Variants in CREB5 observed in about 807,000 individuals in gnomAD.
The protein encoded by CREB5 is cyclic AMP-responsive element-binding protein 5.
In CREB5, 19 loss-of-function variants were observed where a neutral mutation model predicts 57.1. The observed-to-expected ratio is 0.33, with a 90% CI of 0.23 to 0.49. CREB5 has a LOEUF of 0.49. Ranked by LOEUF, CREB5 falls within the 20% of genes least tolerant of loss-of-function variation. The pLI, the probability that CREB5 is intolerant of heterozygous loss-of-function variation, is 0.99. For synonymous variants in CREB5, 238 were observed against 238.3 expected (o/e 1.00, Z 0.01); for missense variants, 579 against 671.6 (o/e 0.86, Z 1.52).
At chr7:28,407,332 T>C (rs952086864) in intron 1 of CREB5, among the ~76,000 whole-genome samples, 16 of 152,294 alleles carry the variant, frequency 1.1e-4, no homozygotes, top group African/African-American at 3.9e-4. Flanking sequence ...ATTACAGGTG[T>C]GAACCACCGT....
chr7:28,543,394 C>T (rs992656310), intron 4 of CREB5, among the ~76,000 whole-genome samples: 7 of 152,106 alleles, frequency 4.6e-5, no homozygotes, highest in African/African-American at 1.4e-4. Flanking sequence ...GCCTGCCTAG[C>T]CATTTGTCTA....
intron 1 of CREB5, among the ~76,000 whole-genome samples, chr7:28,301,324 G>A (rs1378628020): frequency 6.6e-6 from 1 of 152,160 alleles, no homozygotes; most frequent in Non-Finnish European, 1.5e-5. Flanking sequence ...CTTTAGTGTT[G>A]ACCAAAACCC....
At chr7:28,610,200 T>A (rs1323624871) in intron 5 of CREB5, among the ~76,000 whole-genome samples, 1 of 152,124 alleles carries the variant, frequency 6.6e-6, no homozygotes, top group Admixed American at 6.5e-5. Context: ...ATCTTGGGGT[T>A]CTTTCTGCAT....
intron 5 of CREB5, among the ~76,000 whole-genome samples, chr7:28,584,497 A>T (rs1429786795): frequency 2.0e-5 from 3 of 152,154 alleles, no homozygotes; most frequent in East Asian, 3.9e-4. Context: ...AGAGGCGTAT[A>T]TTGGAGGGAC....
At chr7:28,602,597 A>G (rs1796962559) in intron 5 of CREB5, among the ~76,000 whole-genome samples, 1 of 152,206 alleles carries the variant, frequency 6.6e-6, no homozygotes, top group African/African-American at 2.4e-5. Context: ...ACTTAATGGA[A>G]AAAGCCAATC....
In CREB5 at chr7:28,711,471, C is replaced by T. The variant is rs185953315; in HGVS notation, c.465-7282C>T. On this transcript the variant is annotated intron_variant, in intron 5 of 10. Coordinates refer to ENST00000357727, the MANE Select transcript of CREB5 (RefSeq NM_182898.4). ...AAATATTATATCTGCTCTCTAGGAG[C>T]TTGACAGTAAGATTTGGTTCGGAAC... 3.3e-3 allele frequency among the ~76,000 whole-genome samples: 506 copies of T among 152,294 alleles called. 6 individuals are homozygous for T. The highest frequency in any genetic ancestry group is 0.011 in the African/African-American group (467 of 41,568).
chr7:28,557,689 T>A (rs1794930112), intron 4 of CREB5, among the ~76,000 whole-genome samples: 1 of 152,054 alleles, frequency 6.6e-6, no homozygotes, highest in South Asian at 2.1e-4. Context: ...AAGGAAACAC[T>A]TGGAAGAGAT....
chr7:28,409,839 C>T (rs1409697210), upstream of CREB5: 7 of 452,864 alleles, frequency 1.5e-5, no homozygotes, highest in Non-Finnish European at 3.1e-5. The surrounding 1 kb of genome is among the most constrained non-coding windows in gnomAD (Gnocchi z 4.4). Flanking sequence ...TGTGGGAGCG[C>T]GCGAGTCCCC....
At chr7:28,622,931 G>A (rs1797860212) in intron 5 of CREB5, among the ~76,000 whole-genome samples, 1 of 152,088 alleles carries the variant, frequency 6.6e-6, no homozygotes, top group Non-Finnish European at 1.5e-5. Context: ...ACAGAGTCTT[G>A]GAGTGCACTG....
intron 7 of CREB5, among the ~76,000 whole-genome samples, chr7:28,793,338 T>C (rs1316132636): frequency 6.6e-6 from 1 of 152,176 alleles, no homozygotes; most frequent in Non-Finnish European, 1.5e-5. Flanking sequence ...TAAACTTCCA[T>C]ACAGTCAACT....
chr7:28,688,464 A>C (rs1242445954), intron 5 of CREB5, among the ~76,000 whole-genome samples: 1 of 152,218 alleles, frequency 6.6e-6, no homozygotes, highest in African/African-American at 2.4e-5. Context: ...ACTACTTGAT[A>C]AGTTTCTGTA....
chr7:28,801,023 T>C (rs1207812327), intron 7 of CREB5, among the ~76,000 whole-genome samples: 3 of 152,184 alleles, frequency 2.0e-5, no homozygotes, highest in African/African-American at 7.2e-5. Context: ...GTAAAACATA[T>C]AGAACAAGGA....
intron 1 of CREB5, among the ~76,000 whole-genome samples, chr7:28,325,150 A>G (rs919407695): frequency 2.0e-5 from 3 of 152,186 alleles, no homozygotes; most frequent in Non-Finnish European, 4.4e-5. Context: ...CAGCAACTGG[A>G]GAGATGTTTA....
At chr7:28,799,323 T>C (rs529859040) in intron 7 of CREB5, among the ~76,000 whole-genome samples, 83 of 152,330 alleles carry the variant, frequency 5.4e-4, no homozygotes, top group African/African-American at 1.9e-3. Context: ...TTTAAAAAGC[T>C]TGGTTTTATG....
chr7:28,708,853 T>C (rs1802261320), intron 5 of CREB5, among the ~76,000 whole-genome samples: 1 of 152,196 alleles, frequency 6.6e-6, no homozygotes, highest in South Asian at 2.1e-4. Flanking sequence ...CTCTGCAGAA[T>C]ACCCAGGCAA....
At position 28,693,521 on chromosome 7, in the gene CREB5, TA is replaced by T. The variant is rs36048926; in HGVS notation, c.465-25219del. ...CCTCAATGGGGCTTGTATCACTGCT[TA>T]AAAAAAAAAAAAGAAAAAAAATGTC... On this transcript the variant is annotated intron_variant, in intron 5 of 10. Coordinates refer to ENST00000357727, the MANE Select transcript of CREB5 (RefSeq NM_182898.4). Among the ~76,000 whole-genome samples the T allele has an allele frequency of 8.4e-3, 1,164 of 138,202 alleles. 6 individuals are homozygous for T. The highest frequency in any genetic ancestry group is 0.014 in the Middle Eastern group (4 of 276). 90.7% of individuals were successfully genotyped at this position (138,202 alleles called of 152,430 possible). A position where few individuals can be genotyped will look rare whatever the true frequency, so the allele number is the denominator to read the frequency against.
chr7:28,315,555 A>G (rs896988853), intron 1 of CREB5, among the ~76,000 whole-genome samples: 2 of 152,222 alleles, frequency 1.3e-5, no homozygotes, highest in African/African-American at 4.8e-5. Flanking sequence ...CTCCAACAAC[A>G]GATTTCATCA....
At chr7:28,610,474 A>G (rs894887596) in intron 5 of CREB5, among the ~76,000 whole-genome samples, 4 of 152,192 alleles carry the variant, frequency 2.6e-5, no homozygotes, top group Admixed American at 1.3e-4. Context: ...CACCGCATAC[A>G]TTCACGCAAA....
chr7:28,444,006 T>C (rs1789313778), intron 1 of CREB5, among the ~76,000 whole-genome samples: 1 of 152,160 alleles, frequency 6.6e-6, no homozygotes, highest in South Asian at 2.1e-4. Context: ...GAAAGTTAGA[T>C]TAAACATAAA....
Sources: allele counts gnomAD v4.1 joint callset (sites outside exome capture counted in the v4.1 genomes callset), GRCh38; gene constraint gnomAD v4.1.1; non-coding constraint Gnocchi (gnomAD v3.1); transcripts MANE v1.5; gene names NCBI Gene and HGNC (gene_info 2026-07-23, HGNC 2026-07-21).